The following POLE variants were observed in gnomAD, a reference collection of about 807,000 sequenced individuals.
POLE encodes DNA polymerase epsilon, catalytic subunit.
A neutral mutation model predicts 279.2 loss-of-function variants in POLE; 188 were observed. The ratio of observed to expected loss-of-function variants is 0.67; its 90% CI spans 0.60 to 0.76. The LOEUF is 0.76. Among genes scored for constraint, POLE ranks in the 30% least tolerant of loss-of-function variants. The pLI is 0.00. For synonymous variants in POLE, 1,214 were observed against 1,172.5 expected (o/e 1.04, Z -0.72); for missense variants, 2,703 against 3,016.7 (o/e 0.90, Z 2.44).
intron 45 of POLE, among the ~76,000 whole-genome samples, chr12:132,628,793 A>C (rs1043536841): frequency 1.3e-5 from 2 of 152,236 alleles, no homozygotes; most frequent in African/African-American, 4.8e-5. Context: ...TTCTAATTCT[A>C]GTTCCCTTGC....
In POLE at chr12:132,675,674, C is replaced by T. The variant is rs2043031128; in HGVS notation, c.1106+61G>A. On this transcript the variant is annotated intron_variant, in intron 11 of 48. Transcript: ENST00000320574. The surrounding 1 kb of genome is among the most constrained non-coding windows in gnomAD (Gnocchi z 4.3). ...AGTCGACATGGGAAGCGCCCCTGCA[C>T]CACGCAACGCCCTCCCTCTCAAATG... 1 of 1,566,642 alleles carries T rather than the reference C, an allele frequency of 6.4e-7. No individual in the cohort carries two copies. Among genetic ancestry groups the T allele is most frequent in the African/African-American group, 1.4e-5 (1 of 73,962 alleles).
At chr12:132,653,509 G>A (rs1186234741) in intron 29 of POLE, among the ~76,000 whole-genome samples, 1 of 152,176 alleles carries the variant, frequency 6.6e-6, no homozygotes. Context: ...TAGTATAAAT[G>A]AAAGCAATAG....
intron 26 of POLE, chr12:132,658,332 A>G (rs1331574439): frequency 8.9e-6 from 2 of 224,966 alleles, no homozygotes; most frequent in South Asian, 5.9e-5. Context: ...CTATGTCTAC[A>G]TGTTTCTCAC....
intron 35 of POLE, 27 bp downstream of exon 35, chr12:132,643,197 T>C: frequency 6.2e-7 from 1 of 1,605,184 alleles, no homozygotes; most frequent in Non-Finnish European, 8.5e-7. Context: ...CCAGCCAATG[T>C]GCTGCCATGG....
At chr12:132,649,627 G>A (rs764718932) in intron 30 of POLE, 50 bp downstream of exon 30, 36 of 1,606,170 alleles carry the variant, frequency 2.2e-5, no homozygotes, top group Middle Eastern at 2.0e-4. Context: ...GGGCTCCCTG[G>A]GCTGTGCAGA....
chr12:132,657,275 C>T lies in POLE; in HGVS notation c.3460-17G>A, dbSNP rs746256496. 5 of 1,613,968 alleles carry T rather than the reference C, an allele frequency of 3.1e-6. No individual in the cohort carries two copies. ...GTTCTTTACCTGTGTGAGGCCAACA[C>T]CCATCAGAGAGAGACCCTTGTCTAA... On this transcript the variant is annotated splice_polypyrimidine_tract_variant and intron_variant, in intron 28 of 48. Transcript: ENST00000320574.
chr12:132,676,110 A>C lies in POLE; in HGVS notation c.1004T>G (p.Phe335Cys), dbSNP rs1593078268. 9 of 1,606,702 alleles carry C rather than the reference A, an allele frequency of 5.6e-6. No homozygotes were observed. The highest frequency in any genetic ancestry group is 4.0e-5 in the African/African-American group (3 of 74,612). Residue 335 changes from phenylalanine (F) to cysteine (C), a missense_variant, in exon 10 of 49, where the codon TTC becomes TGC. This residue lies in a region of POLE where 1,011 missense variants were observed against 1,111.7 expected (regional missense o/e 0.91). Coordinates refer to ENST00000320574, the MANE Select transcript of POLE (RefSeq NM_006231.4). The part of the protein sequence containing the change: ...KPEYEGPFCV[F>C]NEPDEAHLIQ... Reference sequence around the variant, plus strand: ...CCTCCTTACCTCATCGGGTTCATTGAAGACACAAAAGGGGCCTTCATATTC... The same window carrying C: ...CCTCCTTACCTCATCGGGTTCATTGCAGACACAAAAGGGGCCTTCATATTC...
chr12:132,667,679 G>A (rs2135971679), intron 19 of POLE, 31 bp from the exon 20 acceptor site: 8 of 1,611,968 alleles, frequency 5.0e-6, no homozygotes, highest in Non-Finnish European at 6.8e-6. Context: ...CAGAGCAGGT[G>A]GGTGAGATCT....
intron 26 of POLE, chr12:132,658,212 G>A (rs1056073239): frequency 2.7e-5 from 12 of 448,996 alleles, no homozygotes; most frequent in South Asian, 6.9e-5. Flanking sequence ...TCCTCACAGC[G>A]TAACCATGGG....
rs5745067 is a variant in POLE at position 132,626,173 on chromosome 12, G to T, written c.6475C>A (p.Arg2159Ser). The T allele has an allele frequency of 6.2e-7, 1 of 1,612,680 alleles. No individual in the cohort carries two copies. The highest frequency in any genetic ancestry group is 1.1e-5 in the South Asian group (1 of 90,894). Residue 2159 changes from arginine (R) to serine (S), a missense_variant, in exon 46 of 49, where the codon CGC becomes AGC. Physicochemically the swap from Arg to Ser is moderately radical, Grantham distance 110 (BLOSUM62 -1). Around this residue, in one of 5 missense-constraint regions of POLE, gnomAD observed 1,551 missense variants for 1,686.1 expected, o/e 0.92. Coordinates refer to ENST00000320574, the MANE Select transcript of POLE (RefSeq NM_006231.4). The part of the protein sequence containing the change: ...RSYVLPEVIC[R>S]SCNFCRDLDL... ...AGGTCGCGGCAGAAGTTACAGCTGC[G>T]GCAGATGACCTCAGGAAGCACGTAG...
chr12:132,649,408 C>G lies in POLE; in HGVS notation c.3903G>C (p.Val1301=). The change falls in exon 31 of 49, where the codon GTG becomes GTC. Residue 1301 remains valine (V), a synonymous_variant. Coordinates refer to ENST00000320574, the MANE Select transcript of POLE (RefSeq NM_006231.4). ...KRQRLESAEG[V]LRPGAIRDGP... ...CATCCCGGATGGCCCCGGGCCTGAG[C>G]ACACCCTCTGCCGACTCCAGACGCT... The G allele has an allele frequency of 6.2e-7, 1 of 1,613,230 alleles. No homozygotes were observed.
In POLE at chr12:132,624,201, G is replaced by T. The variant is rs5745088; in HGVS notation, c.*496C>A. 3.5e-3 allele frequency: 794 copies of T among 227,958 alleles called. 5 individuals carry two copies. Among genetic ancestry groups the T allele is most frequent in the African/African-American group, 0.014 (638 of 44,584 alleles). 14.1% of individuals were successfully genotyped at this position (227,958 alleles called of 1,614,324 possible). A position where few individuals can be genotyped will look rare whatever the true frequency, so the allele number is the denominator to read the frequency against. ...CACAAACTGCTCCTGTGAGGCTGTG[G>T]GGCCAGCCCATTTCTCCATGCAAAC... On this transcript the variant is annotated 3_prime_UTR_variant, in exon 49 of 49. Transcript: ENST00000320574.
rs1313710639 is a variant in POLE, at chr12:132,661,341, G to A, written c.2865-177C>T. ...TTCTCTAAAAGGAAAATGGCTGAAG[G>A]GCCTGCAGCCACAGAGCCAGAATAC... is the stretch of plus-strand genomic sequence containing the variant. On this transcript the variant is annotated intron_variant, in intron 24 of 48. Coordinates refer to ENST00000320574, the MANE Select transcript of POLE (RefSeq NM_006231.4). The surrounding 1 kb of genome is among the most constrained non-coding windows in gnomAD (Gnocchi z 4.1). Among the ~76,000 whole-genome samples, 1 of 152,124 alleles carries A rather than the reference G, an allele frequency of 6.6e-6. No homozygotes were observed. The highest frequency in any genetic ancestry group is 1.9e-4 in the East Asian group (1 of 5,188).
Position 132,657,134 on chromosome 12 carries a change from A to G in POLE, c.3582+2T>C, listed in dbSNP as rs2042560955. ...AGCCCAGCCTTGGGGCCCCACCGTC[A>G]CCTGTCTCCTGCCCTCCAGGGTGAA... On this transcript the variant is annotated splice_donor_variant, in intron 29 of 48. Coordinates refer to ENST00000320574, the MANE Select transcript of POLE (RefSeq NM_006231.4). LOFTEE classifies it high-confidence loss of function. The G allele has an allele frequency of 6.2e-7, 1 of 1,613,626 alleles. No individual in the cohort carries two copies. The highest frequency in any genetic ancestry group is 8.5e-7 in the Non-Finnish European group (1 of 1,179,942).
At chr12:132,680,901 C>A in intron 2 of POLE, 1 of 630,316 alleles carries the variant, frequency 1.6e-6, no homozygotes, top group South Asian at 2.0e-5. Flanking sequence ...CCCTCATAAT[C>A]CTTGAAAGCT....
intron 2 of POLE, chr12:132,680,896 A>T: frequency 1.6e-6 from 1 of 628,488 alleles, no homozygotes; most frequent in South Asian, 2.0e-5. Context: ...TTTCTCCCTC[A>T]TAATCCTTGA....
intron 23 of POLE, among the ~76,000 whole-genome samples, chr12:132,662,087 C>A (rs1278521942): frequency 6.6e-6 from 1 of 152,212 alleles, no homozygotes; most frequent in Non-Finnish European, 1.5e-5. Flanking sequence ...ACCCACAGGG[C>A]TGTACGCTAC....
At chr12:132,644,103 A>C in intron 32 of POLE, 126 bp from the exon 33 acceptor site, 1 of 810,304 alleles carries the variant, frequency 1.2e-6, no homozygotes. Flanking sequence ...TACACCCACC[A>C]CGCCACAGTC....
chr12:132,656,991 G>A, intron 29 of POLE, 145 bp downstream of exon 29: 5 of 800,650 alleles, frequency 6.2e-6, no homozygotes, highest in South Asian at 1.7e-5. Flanking sequence ...AGAGAGTAAA[G>A]TGCCAATGGG....
Sources: allele counts gnomAD v4.1 joint callset (sites outside exome capture counted in the v4.1 genomes callset), GRCh38; gene constraint gnomAD v4.1.1; regional missense constraint gnomAD v4.1.1; non-coding constraint Gnocchi (gnomAD v3.1); transcripts MANE v1.5; gene names NCBI Gene and HGNC (gene_info 2026-07-23, HGNC 2026-07-21).